Variants in CNIH3 observed in about 807,000 individuals in gnomAD.
The protein encoded by CNIH3 is protein cornichon homolog 3.
In CNIH3, 14 loss-of-function variants were observed where a neutral mutation model predicts 24.1. The ratio of observed to expected loss-of-function variants is 0.58; its 90% CI spans 0.38 to 0.91. The LOEUF is 0.91. Ranked by LOEUF, CNIH3 falls within the 40% of genes least tolerant of loss-of-function variation. CNIH3 has a pLI of 0.00. For synonymous variants in CNIH3, 68 were observed against 73.8 expected (o/e 0.92, Z 0.40); for missense variants, 178 against 196.8 (o/e 0.90, Z 0.57).
At chr1:224,675,040 A>G (rs537765285) in intron 1 of CNIH3, among the ~76,000 whole-genome samples, 1 of 152,128 alleles carries the variant, frequency 6.6e-6, no homozygotes, top group Non-Finnish European at 1.5e-5. Context: ...CTTGGGGAAG[A>G]ACAATAGCTC....
intron 3 of CNIH3, among the ~76,000 whole-genome samples, chr1:224,710,189 G>A (rs534439907): frequency 5.1e-4 from 78 of 152,282 alleles, no homozygotes; most frequent in African/African-American, 1.8e-3. Flanking sequence ...CAGCATGTTC[G>A]TTCACCCATT....
chr1:224,628,220 C>G (rs1325176936), intron 1 of CNIH3, among the ~76,000 whole-genome samples: 1 of 152,136 alleles, frequency 6.6e-6, no homozygotes, highest in African/African-American at 2.4e-5. Flanking sequence ...TCACCCTACC[C>G]TGCAGTTTCT....
At chr1:224,566,049 T>C (rs752637389) in intron 3 of CNIH3, 6 of 151,726 alleles carry the variant, frequency 4.0e-5, no homozygotes, top group Admixed American at 2.0e-4. Context: ...TTTTTTATTC[T>C]CTCCCCATTG....
At chr1:224,506,751 G>GC (rs1378218170) in intron 1 of CNIH3, among the ~76,000 whole-genome samples, 1 of 152,144 alleles carries the variant, frequency 6.6e-6, no homozygotes, top group Non-Finnish European at 1.5e-5. Context: ...CATATGTTAA[G>GC]CAATTAGACC....
exon 1 of CNIH3, chr1:224,434,856 G>A (rs1014200296): frequency 2.0e-5 from 20 of 985,404 alleles, no homozygotes; most frequent in Non-Finnish European, 2.3e-5. Context: ...CTCACTTCCG[G>A]TGGCAGGTAT....
intron 5 of CNIH3, among the ~76,000 whole-genome samples, chr1:224,736,434 C>G (rs1689595597): frequency 6.6e-6 from 1 of 152,220 alleles, no homozygotes; most frequent in African/African-American, 2.4e-5. Context: ...TAGCTCTTAA[C>G]TGCTGGCTAT....
chr1:224,517,499 GT>G (rs1678441960), intron 1 of CNIH3, among the ~76,000 whole-genome samples: 2 of 152,082 alleles, frequency 1.3e-5, no homozygotes, highest in African/African-American at 4.8e-5. Flanking sequence ...TATTTCAGTA[GT>G]TTTGGGGGAG....
chr1:224,575,453 T>C (rs77483507), intron 4 of CNIH3: 3 of 721,964 alleles, frequency 4.2e-6, no homozygotes, highest in Non-Finnish European at 4.6e-6. Flanking sequence ...TTTTTTTTTT[T>C]CCTTGCAAAG....
chr1:224,724,446 A>G (rs1018289580), intron 3 of CNIH3, among the ~76,000 whole-genome samples: 10 of 152,194 alleles, frequency 6.6e-5, no homozygotes, highest in African/African-American at 2.4e-4. Context: ...GTTTCCTGAC[A>G]TTGCTTGGAG....
chr1:224,571,369 CAT>C (rs1680808713), intron 4 of CNIH3, among the ~76,000 whole-genome samples: 1 of 152,096 alleles, frequency 6.6e-6, no homozygotes. Context: ...CACAGCAAAA[CAT>C]ATGAAATAAC....
At chr1:224,571,935 G>T (rs1284365480) in intron 4 of CNIH3, among the ~76,000 whole-genome samples, 1 of 152,166 alleles carries the variant, frequency 6.6e-6, no homozygotes, top group Admixed American at 6.5e-5. Flanking sequence ...GCAGGCATGA[G>T]TTCCATGGGG....
At chr1:224,532,692 G>C (rs199964806) in intron 2 of CNIH3, among the ~76,000 whole-genome samples, 2 of 152,118 alleles carry the variant, frequency 1.3e-5, no homozygotes, top group East Asian at 3.8e-4. Context: ...TTGTTTTCAA[G>C]ACCTTTTAAA....
chr1:224,639,269 T>A (rs1394498947), intron 1 of CNIH3, among the ~76,000 whole-genome samples: 2 of 152,244 alleles, frequency 1.3e-5, no homozygotes, highest in Non-Finnish European at 2.9e-5. Flanking sequence ...CATTACCTGA[T>A]GATGATGTGA....
At chr1:224,700,282 C>G (rs1687413619) in intron 3 of CNIH3, among the ~76,000 whole-genome samples, 1 of 152,176 alleles carries the variant, frequency 6.6e-6, no homozygotes, top group Non-Finnish European at 1.5e-5. Context: ...ACCCTAATGA[C>G]CACATTTAAC....
At chr1:224,455,028 A>C (rs940811749) in intron 1 of CNIH3, among the ~76,000 whole-genome samples, 1 of 152,202 alleles carries the variant, frequency 6.6e-6, no homozygotes, top group Non-Finnish European at 1.5e-5. Flanking sequence ...TCGAAAATGC[A>C]TTTAATCCAC....
intron 5 of CNIH3, among the ~76,000 whole-genome samples, chr1:224,738,343 G>A (rs186844016): frequency 1.3e-5 from 2 of 152,158 alleles, no homozygotes; most frequent in African/African-American, 2.4e-5. Flanking sequence ...GTGGCTTCTC[G>A]CCCTGCTGTC....
intron 3 of CNIH3, among the ~76,000 whole-genome samples, chr1:224,726,308 G>A (rs1438377893): frequency 6.6e-6 from 1 of 152,254 alleles, no homozygotes; most frequent in Non-Finnish European, 1.5e-5. Flanking sequence ...GAAGGAGTCA[G>A]AGATGGTATG....
chr1:224,534,743 G>A (rs1444104021), intron 2 of CNIH3, among the ~76,000 whole-genome samples: 1 of 152,228 alleles, frequency 6.6e-6, no homozygotes, highest in Non-Finnish European at 1.5e-5. Flanking sequence ...ACCACAGACA[G>A]TGTCTTCCAC....
chr1:224,634,286 A>G (rs1391632536), intron 1 of CNIH3, among the ~76,000 whole-genome samples: 1 of 152,190 alleles, frequency 6.6e-6, no homozygotes, highest in Admixed American at 6.5e-5. Context: ...GTGTGAATTA[A>G]GAATAAGAAA....
Sources: allele counts gnomAD v4.1 joint callset (sites outside exome capture counted in the v4.1 genomes callset), GRCh38; gene constraint gnomAD v4.1.1; transcripts MANE v1.5; gene names NCBI Gene and HGNC (gene_info 2026-07-23, HGNC 2026-07-21).